PCDHGB3: variants seen among roughly 807,000 people sequenced by gnomAD.
PCDHGB3 encodes protocadherin gamma subfamily B, 3.
A neutral mutation model predicts 59.2 loss-of-function variants in PCDHGB3; 40 were observed. The observed-to-expected ratio is 0.68, with a 90% CI of 0.52 to 0.88. The LOEUF is 0.88. Among genes scored for constraint, PCDHGB3 ranks in the 40% least tolerant of loss-of-function variants. The pLI is 0.00. For missense variants in PCDHGB3, 1,309 were observed against 1,187.9 expected, an observed-to-expected ratio of 1.10 and a Z score of -1.50; for synonymous variants, 581 against 503.6, an observed-to-expected ratio of 1.15 and a Z score of -2.06.
intron 1 of PCDHGB3, chr5:141,428,734 A>G (rs922346225): frequency 1.9e-5 from 3 of 158,252 alleles, no homozygotes; most frequent in Non-Finnish European, 2.8e-5. Context: ...TAAACATATT[A>G]TATCTACTAT....
chr5:141,416,308 T>C (rs1472911605), intron 1 of PCDHGB3: 1 of 152,266 alleles, frequency 6.6e-6, no homozygotes, highest in East Asian at 1.9e-4. Context: ...ATGTGGAAGA[T>C]ATAGCATTTT....
intron 1 of PCDHGB3, among the ~76,000 whole-genome samples, chr5:141,455,172 G>GT (rs1344126228): frequency 3.3e-5 from 5 of 150,340 alleles, no homozygotes; most frequent in South Asian, 4.2e-4. Context: ...TTTTTTTTTA[G>GT]TTTTTTTATT....
At chr5:141,375,673 G>A (rs1467021613) in intron 1 of PCDHGB3, 1 of 1,614,248 alleles carries the variant, frequency 6.2e-7, no homozygotes. Flanking sequence ...ACCTACAGCT[G>A]TGGGTGACAG....
intron 1 of PCDHGB3, among the ~76,000 whole-genome samples, chr5:141,406,024 G>A (rs2094747494): frequency 6.6e-6 from 1 of 151,462 alleles, no homozygotes; most frequent in Admixed American, 6.6e-5. Flanking sequence ...TTTTTGGGTA[G>A]GGTTGCTTCA....
intron 2 of PCDHGB3, among the ~76,000 whole-genome samples, chr5:141,497,621 C>T (rs769483223): frequency 7.3e-5 from 11 of 151,482 alleles, no homozygotes; most frequent in Non-Finnish European, 1.3e-4. Flanking sequence ...CTCACTGCAA[C>T]CTCTGCCTGC....
chr5:141,489,089 A>C lies in PCDHGB3; in HGVS notation c.2416-5718A>C. 6 of 284,452 alleles carry C rather than the reference A, an allele frequency of 2.1e-5. No individual in the cohort carries two copies. The highest frequency in any genetic ancestry group is 5.7e-5 in the East Asian group (1 of 17,568). The allele number at this position is 284,452 out of a possible 1,614,324, so 17.6% of individuals were successfully genotyped here. A position where few individuals can be genotyped will look rare whatever the true frequency, so the allele number is the denominator to read the frequency against. Reference sequence around the variant, plus strand: ...CCCTGCCCACCCCCGCCACTCGGTGACTAAGAACTGCTGCAAGCAGGCAAA... The same window carrying C: ...CCCTGCCCACCCCCGCCACTCGGTGCCTAAGAACTGCTGCAAGCAGGCAAA... On this transcript the variant is annotated intron_variant, in intron 1 of 3. Transcript: ENST00000576222. This position sits in a 1 kb window ranked among gnomAD's most constrained non-coding sequence, Gnocchi z 4.5.
intron 1 of PCDHGB3, among the ~76,000 whole-genome samples, chr5:141,438,579 CATACATACATACATATATATAT>C (rs1356926315): frequency 3.6e-5 from 2 of 55,782 alleles, no homozygotes; most frequent in Non-Finnish European, 6.0e-5. Context: ...GATATACATA[CATACATACATACATATATATAT>C]ATATATATAT....
intron 1 of PCDHGB3, chr5:141,403,468 C>G: frequency 6.2e-7 from 1 of 1,614,054 alleles, no homozygotes; most frequent in Non-Finnish European, 8.5e-7. Flanking sequence ...GCTACCAGCT[C>G]AGCCCCAATC....
intron 1 of PCDHGB3, chr5:141,399,640 G>C: frequency 2.5e-6 from 4 of 1,613,836 alleles, no homozygotes; most frequent in Non-Finnish European, 3.4e-6. Flanking sequence ...GTCCATGAGC[G>C]CGCAAAGTGG....
Position 141,371,015 on chromosome 5 carries a change from TCAC to T in PCDHGB3, c.626_628del (p.His209del). On this transcript the variant is annotated inframe_deletion, in exon 1 of 4. Transcript: ENST00000576222. ...CCCTGGACAGGGAAGAGCAGCCACA[TCAC>T]CACCTGGTCCTCACAGCTGTGGATG... The T allele has an allele frequency of 1.9e-6, 3 of 1,613,966 alleles. No homozygotes were observed. Among genetic ancestry groups the T allele is most frequent in the Non-Finnish European group, 2.5e-6 (3 of 1,179,888 alleles).
chr5:141,410,909 A>G lies in PCDHGB3; in HGVS notation c.2415+38100A>G, dbSNP rs183334545. Reference sequence around the variant, plus strand: ...CGCACTGTTGCCTAGGCTGGAGTGCAGTGGCGTGATCTCTGCTCACTGCAA... The same window carrying G: ...CGCACTGTTGCCTAGGCTGGAGTGCGGTGGCGTGATCTCTGCTCACTGCAA... On this transcript the variant is annotated intron_variant, in intron 1 of 3. Coordinates refer to ENST00000576222, the MANE Select transcript of PCDHGB3 (RefSeq NM_018924.5). 188 of 259,978 alleles carry G rather than the reference A, an allele frequency of 7.2e-4. 1 individual carries two copies. Among genetic ancestry groups the G allele is most frequent in the African/African-American group, 5.3e-3 (172 of 32,394 alleles). The allele number at this position is 259,978 out of a possible 1,614,324, so 16.1% of individuals were successfully genotyped here.
chr5:141,399,396 G>A (rs2093799031), intron 1 of PCDHGB3: 1 of 1,613,842 alleles, frequency 6.2e-7, no homozygotes, highest in African/African-American at 1.3e-5. Flanking sequence ...CCACAGACAG[G>A]GGCAAGCCGC....
At chr5:141,417,940 C>G in intron 1 of PCDHGB3, 2 of 1,613,052 alleles carry the variant, frequency 1.2e-6, no homozygotes, top group Non-Finnish European at 1.7e-6. Context: ...TGTTCTACCC[C>G]ACGCTGTGTG....
At chr5:141,419,265 C>T in intron 1 of PCDHGB3, 1 of 1,614,040 alleles carries the variant, frequency 6.2e-7, no homozygotes, top group Non-Finnish European at 8.5e-7. Flanking sequence ...CAGCCGGGTG[C>T]CTCCATAGCG....
chr5:141,423,440 C>T lies in PCDHGB3; in HGVS notation c.2415+50631C>T, dbSNP rs768389351. 27 of 1,613,852 alleles carry T rather than the reference C, an allele frequency of 1.7e-5. No individual in the cohort carries two copies. In the East Asian group the frequency reaches 4.5e-4, roughly 27 times the overall value. ...GAAGGCGGGTTGGCAGGTATGCCCACGTCACATTTTGTAGGCGTGGACGGG... is the reference window on the plus strand; with the variant it reads ...GAAGGCGGGTTGGCAGGTATGCCCATGTCACATTTTGTAGGCGTGGACGGG... On this transcript the variant is annotated intron_variant, in intron 1 of 3. Coordinates refer to ENST00000576222, the MANE Select transcript of PCDHGB3 (RefSeq NM_018924.5).
At chr5:141,494,524 C>T (rs2099754936) in intron 1 of PCDHGB3, among the ~76,000 whole-genome samples, 1 of 152,156 alleles carries the variant, frequency 6.6e-6, no homozygotes, top group African/African-American at 2.4e-5. Flanking sequence ...GGAGTTCTGA[C>T]TCTGGGGGCA....
intron 1 of PCDHGB3, among the ~76,000 whole-genome samples, chr5:141,494,392 A>C (rs1296077484): frequency 1.3e-5 from 2 of 152,258 alleles, no homozygotes; most frequent in East Asian, 3.9e-4. Flanking sequence ...GAGTTGAATA[A>C]ATTCATTCTA....
Position 141,415,740 on chromosome 5 carries a change from G to GTTTTTTTTTTTTTTT in PCDHGB3, c.2415+42949_2415+42963dup, listed in dbSNP as rs57426385. 67 of 625,038 alleles carry GTTTTTTTTTTTTTTT rather than the reference G, an allele frequency of 1.1e-4. 1 individual carries two copies. Among genetic ancestry groups the GTTTTTTTTTTTTTTT allele is most frequent in the African/African-American group, 2.5e-4 (10 of 39,932 alleles). The allele number at this position is 625,038 out of a possible 1,614,324, so 38.7% of individuals were successfully genotyped here. A position where few individuals can be genotyped will look rare whatever the true frequency, so the allele number is the denominator to read the frequency against. ...TGAGTAGAATTTGATGTTTATTAAG[G>GTTTTTTTTTTTTTTT]TTTTTTTTTTTTTTTTTTTTTTTTT... On this transcript the variant is annotated intron_variant, in intron 1 of 3. Coordinates refer to ENST00000576222, the MANE Select transcript of PCDHGB3 (RefSeq NM_018924.5).
chr5:141,419,785 G>T, intron 1 of PCDHGB3: 2 of 1,614,052 alleles, frequency 1.2e-6, no homozygotes, highest in Non-Finnish European at 1.7e-6. Flanking sequence ...GCCAGCGCCT[G>T]CTAGTCGCTG....
Sources: allele counts gnomAD v4.1 joint callset (sites outside exome capture counted in the v4.1 genomes callset), GRCh38; gene constraint gnomAD v4.1.1; non-coding constraint Gnocchi (gnomAD v3.1); transcripts MANE v1.5; gene names NCBI Gene and HGNC (gene_info 2026-07-23, HGNC 2026-07-21).